MEAK7: variants seen among roughly 807,000 people sequenced by gnomAD.
The protein encoded by MEAK7 is MTOR-associated protein MEAK7.
In MEAK7, 68 loss-of-function variants were observed where a neutral mutation model predicts 40.5. The ratio of observed to expected loss-of-function variants is 1.68; its 90% CI spans 1.38 to 2.06. MEAK7 has a LOEUF of 2.06. Among genes scored for constraint, MEAK7 ranks in the 30% most tolerant of loss-of-function variants. The pLI is 0.00. For synonymous variants in MEAK7, 338 were observed against 231.9 expected, an observed-to-expected ratio of 1.46 and a Z score of -4.16; for missense variants, 918 against 580.5, an observed-to-expected ratio of 1.58 and a Z score of -5.98.
At chr16:84,488,007 C>T (rs1268129580) in intron 4 of MEAK7, 1 of 152,206 alleles carries the variant, frequency 6.6e-6, no homozygotes, top group Non-Finnish European at 1.5e-5. Context: ...TTGTGTAACT[C>T]AGGCCCATTT....
rs774411556 is a variant in MEAK7, at chr16:84,479,960, G to GC, written c.1323dup (p.His442AlafsTer15). ...CGGAGCCCTTCGCTGTGGCGCGAAT[G>GC]CCCACTGATCTCCAGCAGGGCCTGG... On this transcript the variant is annotated frameshift_variant, in exon 8 of 8. Transcript: ENST00000343629. LOFTEE classifies it high-confidence loss of function. 1 of 1,609,930 alleles carries GC rather than the reference G, an allele frequency of 6.2e-7. No homozygotes were observed.
chr16:84,487,267 T>C, intron 4 of MEAK7: 1 of 529,900 alleles, frequency 1.9e-6, no homozygotes, highest in Non-Finnish European at 3.3e-6. Context: ...GTAAAATATC[T>C]CAATTTTTAA....
chr16:84,481,722 A>G (rs898602814), intron 6 of MEAK7, among the ~76,000 whole-genome samples: 2 of 152,158 alleles, frequency 1.3e-5, no homozygotes, highest in African/African-American at 4.8e-5. Flanking sequence ...TCACGAGGTC[A>G]GGAGATGGAG....
In MEAK7 at chr16:84,479,935, C is replaced by A. The variant is rs190726637; in HGVS notation, c.1349G>T (p.Arg450Leu). 6.8e-6 allele frequency: 11 copies of A among 1,609,202 alleles called. No individual in the cohort carries two copies. The East Asian group carries it at 2.5e-4, about 36-fold the overall frequency. ...TCCTCATTCATCGTCCGGGACTTCC[C>A]GGAGCCCTTCGCTGTGGCGCGAATG... Reference protein sequence around the residue: ...SGHSRHSEGLREVPDDE With the variant: ...SGHSRHSEGLLEVPDDE The change falls in exon 8 of 8, where the codon CGG (arginine) becomes CTG (leucine). Residue 450 changes from arginine (R) to leucine (L), a missense_variant. Arg to Leu is a moderately radical substitution (Grantham distance 102, BLOSUM62 -2). Coordinates refer to ENST00000343629, the MANE Select transcript of MEAK7 (RefSeq NM_020947.4).
Position 84,495,897 on chromosome 16 carries a change from G to C in MEAK7, c.170C>G (p.Ala57Gly), listed in dbSNP as rs1317118763. Residue 57 changes from alanine (A) to glycine (G), a missense_variant, in exon 3 of 8, where the codon GCT (alanine) becomes GGT (glycine). Physicochemically the swap from Ala to Gly is moderately conservative, Grantham distance 60 (BLOSUM62 0). Coordinates refer to ENST00000343629, the MANE Select transcript of MEAK7 (RefSeq NM_020947.4). The stretch of plus-strand genomic sequence containing the variant: ...CCTGGTGACCATCTCTGGGGGAAGA[G>C]CTTCCCCGACGTGGTTCTGCCGGGG... Reference protein sequence around the residue: ...LKALQNHVGEALPPEMVTRLY... With the variant: ...LKALQNHVGEGLPPEMVTRLY... 19 of 1,614,044 alleles carry C rather than the reference G, an allele frequency of 1.2e-5. No homozygotes were observed. The highest frequency in any genetic ancestry group is 1.6e-5 in the Non-Finnish European group (19 of 1,180,018).
At chr16:84,490,918 A>C (rs913663923) in intron 3 of MEAK7, among the ~76,000 whole-genome samples, 4 of 152,110 alleles carry the variant, frequency 2.6e-5, no homozygotes, top group African/African-American at 9.7e-5. Context: ...TTCTGAGAGA[A>C]ATTTGTTTCT....
chr16:84,497,732 C>A (rs1046349868), intron 2 of MEAK7: 6 of 1,361,704 alleles, frequency 4.4e-6, no homozygotes, highest in Admixed American at 4.0e-5. Flanking sequence ...CACACAGTAA[C>A]GGCAGAGCAG....
chr16:84,504,362 G>A (rs904155769), intron 1 of MEAK7, among the ~76,000 whole-genome samples: 1 of 152,182 alleles, frequency 6.6e-6, no homozygotes, highest in Admixed American at 6.5e-5. Flanking sequence ...AGCGGGAGGT[G>A]CAGGATGATT....
intron 1 of MEAK7, 39 bp downstream of exon 1, chr16:84,504,562 C>G (rs2150655651): frequency 1.0e-6 from 1 of 983,060 alleles, no homozygotes; most frequent in East Asian, 1.1e-4. Flanking sequence ...GCCTGCGCCT[C>G]TGGGTCAGCT....
At chr16:84,504,038 T>A (rs375016) in intron 1 of MEAK7, 431,596 of 985,294 alleles carry the variant, frequency 0.44, 95,202 homozygotes, top group East Asian at 0.6. Flanking sequence ...CCAGAGGCCC[T>A]TGTGCGAAGG....
rs1472120009 is a variant in MEAK7, at chr16:84,491,545, A to AAAAAC, written c.385-2124_385-2123insGTTTT. Among the ~76,000 whole-genome samples, 2 of 150,970 alleles carry AAAAAC rather than the reference A, an allele frequency of 1.3e-5. 1 individual carries two copies. Among genetic ancestry groups the AAAAAC allele is most frequent in the Non-Finnish European group, 3.0e-5 (2 of 67,756 alleles). ...CGGAGCGAGACCCTGTCTTAAAAAAAAAAAAAAAAACGTCTGGGCACGGTG... is the reference window on the plus strand; with the variant it reads ...CGGAGCGAGACCCTGTCTTAAAAAAAAAAACAAAAAAAAAACGTCTGGGCACGGTG... On this transcript the variant is annotated intron_variant, in intron 3 of 7. Coordinates refer to ENST00000343629, the MANE Select transcript of MEAK7 (RefSeq NM_020947.4).
chr16:84,501,105 G>GAAAAAAAA (rs35447624), intron 1 of MEAK7, among the ~76,000 whole-genome samples: 4 of 103,638 alleles, frequency 3.9e-5, no homozygotes, highest in Non-Finnish European at 7.2e-5. Context: ...AAAAAAAAAA[G>GAAAAAAAA]AAAAAAAAAA....
rs114000875 is a variant in MEAK7, at chr16:84,477,571, C to T, written c.*2342G>A. ...GGCAATCATTTATAATAGTTTGCAACGCGGACAAATTTTTTTTTTAACCCC... is the reference window on the plus strand; with the variant it reads ...GGCAATCATTTATAATAGTTTGCAATGCGGACAAATTTTTTTTTTAACCCC... On this transcript the variant is annotated 3_prime_UTR_variant, in exon 8 of 8. Coordinates refer to ENST00000343629, the MANE Select transcript of MEAK7 (RefSeq NM_020947.4). 490 of 150,692 alleles carry T rather than the reference C, an allele frequency of 3.3e-3. 7 individuals carry two copies. Among genetic ancestry groups the T allele is most frequent in the African/African-American group, 0.011 (461 of 40,420 alleles). 9.3% of individuals were successfully genotyped at this position (150,692 alleles called of 1,614,324 possible).
chr16:84,478,429 G>C lies in MEAK7; in HGVS notation c.*1484C>G, dbSNP rs992231239. ...CCTCCCAGTAGAAAATGCAAGGCCT[G>C]CAAAAATGCGAACAGCTCGATTTAC... On this transcript the variant is annotated 3_prime_UTR_variant, in exon 8 of 8. Transcript: ENST00000343629. 6.6e-6 allele frequency: 1 copy of C among 152,242 alleles called. No homozygotes were observed. The highest frequency in any genetic ancestry group is 2.4e-5 in the African/African-American group (1 of 41,472). The allele number at this position is 152,242 out of a possible 1,614,324, so 9.4% of individuals were successfully genotyped here.
intron 3 of MEAK7, among the ~76,000 whole-genome samples, chr16:84,491,330 G>T (rs570869691): frequency 6.6e-6 from 1 of 152,042 alleles, no homozygotes; most frequent in Non-Finnish European, 1.5e-5. Context: ...TTGAGGTTAG[G>T]AGGTCGCGAC....
Position 84,503,842 on chromosome 16 carries a change from G to A in MEAK7, c.-26+759C>T, listed in dbSNP as rs994601286. On this transcript the variant is annotated intron_variant, in intron 1 of 7. Coordinates refer to ENST00000343629, the MANE Select transcript of MEAK7 (RefSeq NM_020947.4). ...CCTAGGAATGGCTTAGTCACCTCCT[G>A]CTCAGAGCTTCTCCAACAGGCTGTT... is the stretch of plus-strand genomic sequence containing the variant. 3 of 787,758 alleles carry A rather than the reference G, an allele frequency of 3.8e-6. No homozygotes were observed. In the East Asian group the frequency reaches 3.8e-4, roughly 101 times the overall value. 48.8% of individuals were successfully genotyped at this position (787,758 alleles called of 1,614,324 possible). A position where few individuals can be genotyped will look rare whatever the true frequency, so the allele number is the denominator to read the frequency against.
chr16:84,483,159 A>C (rs1259510041), intron 5 of MEAK7, among the ~76,000 whole-genome samples: 2 of 152,240 alleles, frequency 1.3e-5, no homozygotes, highest in Admixed American at 1.3e-4. Flanking sequence ...CGTACCATGC[A>C]GAGAGAGAAA....
intron 1 of MEAK7, among the ~76,000 whole-genome samples, chr16:84,498,598 A>T (rs1914250076): frequency 6.6e-6 from 1 of 152,104 alleles, no homozygotes; most frequent in African/African-American, 2.4e-5. Context: ...TGTGACAGAA[A>T]TCAATAGCTG....
At chr16:84,502,734 G>T (rs1392832389) in intron 1 of MEAK7, 2 of 152,254 alleles carry the variant, frequency 1.3e-5, no homozygotes. Flanking sequence ...AGCCGGGTGT[G>T]GTGGCGTGTG....
Sources: allele counts gnomAD v4.1 joint callset (sites outside exome capture counted in the v4.1 genomes callset), GRCh38; gene constraint gnomAD v4.1.1; transcripts MANE v1.5; gene names NCBI Gene and HGNC (gene_info 2026-07-23, HGNC 2026-07-21).